Variants in RAB3GAP1 observed in about 807,000 individuals in gnomAD.
RAB3GAP1 encodes the protein RAB3 GTPase activating protein catalytic subunit 1, also known as rab3 GTPase-activating protein catalytic subunit.
A neutral mutation model predicts 130.7 loss-of-function variants in RAB3GAP1; 86 were observed. The ratio of observed to expected loss-of-function variants is 0.66; its 90% CI spans 0.55 to 0.79. The LOEUF is 0.79. Ranked by LOEUF, RAB3GAP1 falls within the 30% of genes least tolerant of loss-of-function variation. The pLI, the probability that RAB3GAP1 is intolerant of heterozygous loss-of-function variation, is 0.00. For synonymous variants in RAB3GAP1, 367 were observed against 401.7 expected (o/e 0.91, Z 1.03); for missense variants, 1,029 against 1,169.4 (o/e 0.88, Z 1.75).
At chr2:135,164,489 G>GT in intron 22 of RAB3GAP1, 105 bp from the exon 23 acceptor site, 1 of 826,126 alleles carries the variant, frequency 1.2e-6, no homozygotes, top group South Asian at 1.4e-5. Flanking sequence ...GGTTTAGCCA[G>GT]TATCAGCTTG....
At chr2:135,150,327 A>T in intron 17 of RAB3GAP1, 42 bp from the exon 18 acceptor site, 1 of 1,612,096 alleles carries the variant, frequency 6.2e-7, no homozygotes, top group Non-Finnish European at 8.5e-7. Flanking sequence ...TTCTTTTTCT[A>T]AAAAGGGCTG....
intron 17 of RAB3GAP1, among the ~76,000 whole-genome samples, chr2:135,142,409 A>C (rs1691868726): frequency 1.3e-5 from 2 of 152,078 alleles, no homozygotes; most frequent in African/African-American, 2.4e-5. Flanking sequence ...ACATTGACTT[A>C]TTAGTAGTTT....
intron 15 of RAB3GAP1, 81 bp from the exon 16 acceptor site, chr2:135,135,184 T>A (rs1183360580): frequency 6.2e-6 from 7 of 1,126,952 alleles, no homozygotes; most frequent in South Asian, 1.3e-5. Context: ...TAGCTAAAAA[T>A]TATGGTAGTA....
At chr2:135,058,118 C>T in intron 3 of RAB3GAP1, 32 bp downstream of exon 3, 1 of 1,551,446 alleles carries the variant, frequency 6.4e-7, no homozygotes, top group Non-Finnish European at 8.9e-7. Flanking sequence ...CTCTAAATGA[C>T]TATTTACTTT....
chr2:135,154,707 C>G lies in RAB3GAP1; in HGVS notation c.2289+831C>G, dbSNP rs116254496. On this transcript the variant is annotated intron_variant, in intron 19 of 23. Coordinates refer to ENST00000264158, the MANE Select transcript of RAB3GAP1 (RefSeq NM_012233.3). ...TGAACACAGGTAGGGTTTGCTAGTT[C>G]ACAGCACTTGCCACAGGGAAGGGAC... Among the ~76,000 whole-genome samples, 1,490 of 152,186 alleles carry G rather than the reference C, an allele frequency of 9.8e-3. 21 individuals carry two copies. The highest frequency in any genetic ancestry group is 0.034 in the African/African-American group (1,418 of 41,494).
At chr2:135,157,083 C>T (rs4954223) in intron 19 of RAB3GAP1, among the ~76,000 whole-genome samples, 24,318 of 152,100 alleles carry the variant, frequency 0.16, 2,598 homozygotes, top group South Asian at 0.32. Context: ...ACTTGAACAA[C>T]AGAAAGATAG....
chr2:135,122,100 A>G (rs1691217675), intron 8 of RAB3GAP1, among the ~76,000 whole-genome samples: 1 of 152,160 alleles, frequency 6.6e-6, no homozygotes, highest in African/African-American at 2.4e-5. Flanking sequence ...CTCAAAAAAA[A>G]AAGAAAAAAA....
chr2:135,087,996 T>C (rs987234093), intron 3 of RAB3GAP1, among the ~76,000 whole-genome samples: 2 of 152,192 alleles, frequency 1.3e-5, no homozygotes, highest in African/African-American at 2.4e-5. Context: ...TGGAATTGAA[T>C]ATGGGATGTT....
At chr2:135,060,283 C>T (rs1373821565) in intron 3 of RAB3GAP1, among the ~76,000 whole-genome samples, 1 of 125,940 alleles carries the variant, frequency 7.9e-6, no homozygotes, top group Admixed American at 8.1e-5. Flanking sequence ...TTTTTGAGAC[C>T]GAGTCTCGCT....
intron 5 of RAB3GAP1, among the ~76,000 whole-genome samples, chr2:135,096,790 A>G (rs1179455621): frequency 1.3e-5 from 2 of 152,184 alleles, no homozygotes; most frequent in Non-Finnish European, 2.9e-5. Context: ...AATAAATAAT[A>G]TGCACTTCCA....
rs1463636290 is a variant in RAB3GAP1, at chr2:135,170,508, G to C, written c.*1727G>C. On this transcript the variant is annotated 3_prime_UTR_variant, in exon 24 of 24. Transcript: ENST00000264158. ...AAGTACCCACTTTGTGTCAGGTACA[G>C]TACAAGCAATGAAGATAAAACAGAA... 2.0e-5 allele frequency: 3 copies of C among 152,208 alleles called. No homozygotes were observed. The highest frequency in any genetic ancestry group is 2.9e-5 in the Non-Finnish European group (2 of 68,038). The allele number at this position is 152,208 out of a possible 1,614,324, so 9.4% of individuals were successfully genotyped here.
chr2:135,150,879 G>A (rs1692153937), intron 18 of RAB3GAP1, among the ~76,000 whole-genome samples: 1 of 152,150 alleles, frequency 6.6e-6, no homozygotes, highest in Non-Finnish European at 1.5e-5. Context: ...ACCTTGCACT[G>A]TGACTAGATG....
rs190026125 is a variant in RAB3GAP1, at chr2:135,146,999, C to T, written c.1924-3370C>T. Among the ~76,000 whole-genome samples the T allele has an allele frequency of 2.8e-4, 42 of 150,562 alleles. No homozygotes were observed. In the East Asian group the frequency reaches 3.5e-3, roughly 13 times the overall value. On this transcript the variant is annotated intron_variant, in intron 17 of 23. Transcript: ENST00000264158. The stretch of plus-strand genomic sequence containing the variant: ...ACACACACACACACACACACACACA[C>T]GAAAATTTATCAAATGTGCCTTTAA...
chr2:135,096,434 A>G (rs566687074), intron 5 of RAB3GAP1, among the ~76,000 whole-genome samples: 30 of 152,328 alleles, frequency 2.0e-4, no homozygotes, highest in Non-Finnish European at 4.0e-4. Flanking sequence ...TTTCATAAAT[A>G]TTCCTCTTTT....
intron 22 of RAB3GAP1, among the ~76,000 whole-genome samples, chr2:135,164,373 A>AT (rs750302813): frequency 9.9e-5 from 15 of 152,210 alleles, no homozygotes; most frequent in Non-Finnish European, 1.6e-4. Flanking sequence ...GGCTTTAAAC[A>AT]TTTTTTATGA....
intron 19 of RAB3GAP1, among the ~76,000 whole-genome samples, chr2:135,158,322 A>G (rs2104990736): frequency 6.6e-6 from 1 of 152,280 alleles, no homozygotes; most frequent in South Asian, 2.1e-4. Flanking sequence ...GAGGCAAGGA[A>G]GGTACAAGAT....
chr2:135,164,222 G>C (rs1196155161), intron 22 of RAB3GAP1, among the ~76,000 whole-genome samples: 2 of 152,002 alleles, frequency 1.3e-5, no homozygotes, highest in Admixed American at 6.6e-5. Context: ...AACAAATATG[G>C]ATCATTGCTT....
intron 23 of RAB3GAP1, chr2:135,165,218 A>C: frequency 2.3e-6 from 1 of 442,774 alleles, no homozygotes; most frequent in Non-Finnish European, 4.5e-6. Context: ...GCACAGAAAG[A>C]AAGCCCAGTT....
At chr2:135,120,978 C>A in intron 8 of RAB3GAP1, 60 bp downstream of exon 8, 1 of 1,212,002 alleles carries the variant, frequency 8.3e-7, no homozygotes, top group Non-Finnish European at 1.2e-6. Flanking sequence ...AAGATACATT[C>A]AGAAATTAAA....
Sources: gnomAD v4.1 joint callset for allele counts (sites outside exome capture counted in the v4.1 genomes callset) on GRCh38, gnomAD v4.1.1 for gene constraint, MANE v1.5 for transcripts, NCBI Gene and HGNC (gene_info 2026-07-23, HGNC 2026-07-21) for gene names.